The following ADARB1 variants were observed in gnomAD, a reference collection of about 807,000 sequenced individuals.
ADARB1 encodes adenosine deaminase RNA specific B1, also known as double-stranded RNA-specific editase 1.
ADARB1 carries 10 observed loss-of-function variants against 52.4 expected under a neutral mutation model. The ratio of observed to expected loss-of-function variants is 0.19; its 90% CI spans 0.12 to 0.32. The LOEUF is 0.32. Among genes scored for constraint, ADARB1 ranks in the 10% least tolerant of loss-of-function variants. The pLI, the probability that ADARB1 is intolerant of heterozygous loss-of-function variation, is 1.00. For missense variants in ADARB1, 643 were observed against 922.3 expected, an observed-to-expected ratio of 0.70 and a Z score of 3.92; for synonymous variants, 349 against 371.1, an observed-to-expected ratio of 0.94 and a Z score of 0.68.
chr21:45,153,324 C>A (rs538098050), intron 2 of ADARB1, among the ~76,000 whole-genome samples: 35 of 128,544 alleles, frequency 2.7e-4, no homozygotes, highest in African/African-American at 1.0e-3. Context: ...TAAATTGCTG[C>A]TTTAAAAGCT....
chr21:45,143,789 G>A (rs1034279664), intron 2 of ADARB1, among the ~76,000 whole-genome samples: 1 of 152,102 alleles, frequency 6.6e-6, no homozygotes, highest in East Asian at 1.9e-4. Flanking sequence ...GCTGTCTTAC[G>A]GCCAGCTTCC....
intron 9 of ADARB1, among the ~76,000 whole-genome samples, chr21:45,206,130 G>A (rs1370056594): frequency 1.3e-5 from 2 of 152,218 alleles, no homozygotes; most frequent in Non-Finnish European, 2.9e-5. Context: ...ATTGGTGTGT[G>A]AATTTCTCAT....
intron 2 of ADARB1, among the ~76,000 whole-genome samples, chr21:45,141,307 A>C (rs1413641831): frequency 6.6e-6 from 1 of 152,250 alleles, no homozygotes; most frequent in Non-Finnish European, 1.5e-5. Context: ...AAATGCAAAA[A>C]ATTAGCCTAT....
chr21:45,151,945 C>A (rs1476693218), intron 2 of ADARB1, among the ~76,000 whole-genome samples: 1 of 152,176 alleles, frequency 6.6e-6, no homozygotes. Flanking sequence ...ATGAGCTGTG[C>A]CCCTGCTCTG....
chr21:45,100,925 G>A (rs17004733), intron 1 of ADARB1: 26,437 of 152,408 alleles, frequency 0.17, 2,469 homozygotes, highest in East Asian at 0.31. Context: ...GCTCACTGAC[G>A]AGTTGCCACC....
intron 9 of ADARB1, among the ~76,000 whole-genome samples, chr21:45,214,907 A>G (rs1182251712): frequency 2.0e-5 from 3 of 152,156 alleles, no homozygotes; most frequent in African/African-American, 4.8e-5. Flanking sequence ...TCAGTTCTAC[A>G]TCCTTATTGC....
In ADARB1 at chr21:45,223,575, C is replaced by T. The variant is rs2093002962; in HGVS notation, c.*1378C>T. 1 of 985,630 alleles carries T rather than the reference C, an allele frequency of 1.0e-6. No individual in the cohort carries two copies. The highest frequency in any genetic ancestry group is 6.1e-5 in the Admixed American group (1 of 16,274). 61.1% of individuals were successfully genotyped at this position (985,630 alleles called of 1,614,324 possible). On this transcript the variant is annotated 3_prime_UTR_variant, in exon 11 of 11. Transcript: ENST00000348831. Reference sequence around the variant, plus strand: ...CAGCTCCAAGGCTCTAGAGGGTGTTCAGGTGGGTCTCCTGGGGCCATGGGG... The same window carrying T: ...CAGCTCCAAGGCTCTAGAGGGTGTTTAGGTGGGTCTCCTGGGGCCATGGGG...
chr21:45,105,301 A>G (rs1375511132), intron 1 of ADARB1, among the ~76,000 whole-genome samples: 1 of 152,080 alleles, frequency 6.6e-6, no homozygotes, highest in Non-Finnish European at 1.5e-5. Flanking sequence ...AGGTTTCACC[A>G]TGTTGGCTAG....
intron 2 of ADARB1, among the ~76,000 whole-genome samples, chr21:45,139,631 C>T (rs998234735): frequency 2.6e-5 from 4 of 152,170 alleles, no homozygotes; most frequent in African/African-American, 9.7e-5. Flanking sequence ...TCGGGCGCAG[C>T]GAGCGTGGTG....
At chr21:45,159,302 C>T (rs1050625855) in intron 2 of ADARB1, among the ~76,000 whole-genome samples, 1 of 152,150 alleles carries the variant, frequency 6.6e-6, no homozygotes, top group Non-Finnish European at 1.5e-5. Flanking sequence ...TCTCATGAGA[C>T]TTCTTCACTA....
chr21:45,218,673 G>A (rs956804588), intron 9 of ADARB1, among the ~76,000 whole-genome samples: 3 of 152,220 alleles, frequency 2.0e-5, no homozygotes, highest in Non-Finnish European at 4.4e-5. Flanking sequence ...ACTCTGAACA[G>A]TGAACTGTCA....
rs902029879 is a variant in ADARB1, at chr21:45,142,317, G to C, written c.-48+13744G>C. On this transcript the variant is annotated intron_variant, in intron 2 of 10. Coordinates refer to ENST00000348831, the MANE Select transcript of ADARB1 (RefSeq NM_001112.4). This position sits in a 1 kb window ranked among gnomAD's most constrained non-coding sequence, Gnocchi z 4.0. ...TTTTAACCCTAAGTTGCATGGTAAA[G>C]TCACCTTTAAAGCCAATGGAAAAAG... 6.6e-6 allele frequency among the ~76,000 whole-genome samples: 1 copy of C among 152,218 alleles called. No individual in the cohort carries two copies. Among genetic ancestry groups the C allele is most frequent in the East Asian group, 1.9e-4 (1 of 5,204 alleles).
At chr21:45,151,151 A>G (rs2090263729) in intron 2 of ADARB1, among the ~76,000 whole-genome samples, 1 of 152,216 alleles carries the variant, frequency 6.6e-6, no homozygotes, top group Admixed American at 6.5e-5. Flanking sequence ...TACTGGCTTG[A>G]GCCACTGGGT....
Position 45,210,514 on chromosome 21 carries a change from C to G in ADARB1, c.1747+5778C>G, listed in dbSNP as rs374716040. 1.1e-4 allele frequency among the ~76,000 whole-genome samples: 16 copies of G among 152,332 alleles called. No individual in the cohort carries two copies. The South Asian group carries it at 2.9e-3, about 28-fold the overall frequency. On this transcript the variant is annotated intron_variant, in intron 9 of 10. Transcript: ENST00000348831. ...GTTTTTAAAAATAATAATAGTTACA[C>G]TTCACTGACTGCCGTCCTCAGGCCA... is the stretch of plus-strand genomic sequence containing the variant.
intron 1 of ADARB1, among the ~76,000 whole-genome samples, chr21:45,107,993 T>G (rs2087335278): frequency 6.6e-6 from 1 of 151,994 alleles, no homozygotes; most frequent in Non-Finnish European, 1.5e-5. Context: ...CCCAGGAGGT[T>G]AAGGTTGCAA....
intron 2 of ADARB1, among the ~76,000 whole-genome samples, chr21:45,160,028 G>A (rs144094889): frequency 1.5e-3 from 234 of 152,360 alleles, no homozygotes; most frequent in African/African-American, 5.2e-3. Context: ...TTAATTGGGT[G>A]TTTGTCTAAA....
In ADARB1 at chr21:45,224,018, C is replaced by T. The variant is rs992232023; in HGVS notation, c.*1821C>T. The T allele has an allele frequency of 1.8e-5, 18 of 985,342 alleles. No homozygotes were observed. The highest frequency in any genetic ancestry group is 1.1e-4 in the East Asian group (1 of 8,814). The allele number at this position is 985,342 out of a possible 1,614,324, so 61.0% of individuals were successfully genotyped here. A position where few individuals can be genotyped will look rare whatever the true frequency, so the allele number is the denominator to read the frequency against. On this transcript the variant is annotated 3_prime_UTR_variant, in exon 11 of 11. Coordinates refer to ENST00000348831, the MANE Select transcript of ADARB1 (RefSeq NM_001112.4). ...ACAGTGGGGTTTTGTTCAGGCAGAT[C>T]GCGCTGGGGTTCTGCACCTGCAGAA...
At position 45,224,691 on chromosome 21, in the gene ADARB1, G is replaced by A. The variant is rs1360928717; in HGVS notation, c.*2494G>A. ...GGAGCCCTGGGCCGGGGCAGGGGGC[G>A]GCTGTAGGAAGGAACTGGTTTCGGG... On this transcript the variant is annotated 3_prime_UTR_variant, in exon 11 of 11. Coordinates refer to ENST00000348831, the MANE Select transcript of ADARB1 (RefSeq NM_001112.4). 21 of 979,134 alleles carry A rather than the reference G, an allele frequency of 2.1e-5. No homozygotes were observed. The highest frequency in any genetic ancestry group is 2.6e-5 in the Non-Finnish European group (21 of 823,124). The allele number at this position is 979,134 out of a possible 1,614,324, so 60.7% of individuals were successfully genotyped here. A position where few individuals can be genotyped will look rare whatever the true frequency, so the allele number is the denominator to read the frequency against.
intron 2 of ADARB1, chr21:45,145,847 CT>C (rs2089978597): frequency 6.6e-6 from 1 of 152,232 alleles, no homozygotes; most frequent in African/African-American, 2.4e-5. Flanking sequence ...GAAGATTGTG[CT>C]TTTAGCGTAT....
Sources: allele counts gnomAD v4.1 joint callset (sites outside exome capture counted in the v4.1 genomes callset), GRCh38; gene constraint gnomAD v4.1.1; non-coding constraint Gnocchi (gnomAD v3.1); transcripts MANE v1.5; gene names NCBI Gene and HGNC (gene_info 2026-07-23, HGNC 2026-07-21).